COL9A1: variants seen among roughly 807,000 people sequenced by gnomAD.
COL9A1 encodes the protein collagen alpha-1(IX) chain.
In COL9A1, 104 loss-of-function variants were observed where a neutral mutation model predicts 142.6. That is an observed-to-expected ratio of 0.73 (90% CI 0.62 to 0.86). The LOEUF (loss-of-function observed/expected upper bound fraction) is 0.86, where lower values mean the gene tolerates loss of function less well. Ranked by LOEUF, COL9A1 falls within the 40% of genes least tolerant of loss-of-function variation. COL9A1 has a pLI of 0.00. For missense variants in COL9A1, 1,210 were observed against 1,176.6 expected, an observed-to-expected ratio of 1.03 and a Z score of -0.42; for synonymous variants, 466 against 396.0, an observed-to-expected ratio of 1.18 and a Z score of -2.10.
At chr6:70,290,967 G>C (rs1395870854) in intron 5 of COL9A1, among the ~76,000 whole-genome samples, 1 of 152,066 alleles carries the variant, frequency 6.6e-6, no homozygotes, top group Non-Finnish European at 1.5e-5. Flanking sequence ...AGAGAAGGGT[G>C]ATCTATCAGT....
At chr6:70,220,661 C>G (rs975734584) in intron 37 of COL9A1, among the ~76,000 whole-genome samples, 1 of 152,034 alleles carries the variant, frequency 6.6e-6, no homozygotes, top group Non-Finnish European at 1.5e-5. Context: ...TATGTGGGAG[C>G]CTCAGTTGGG....
intron 35 of COL9A1, among the ~76,000 whole-genome samples, chr6:70,234,244 G>T (rs1769743152): frequency 6.6e-6 from 1 of 150,510 alleles, no homozygotes; most frequent in Admixed American, 6.7e-5. Flanking sequence ...AAGTGTGTGT[G>T]TGTGTGTGTG....
At chr6:70,225,783 C>T (rs944271652) in intron 37 of COL9A1, 149 bp downstream of exon 37, 2 of 696,472 alleles carry the variant, frequency 2.9e-6, no homozygotes, top group African/African-American at 3.5e-5. Context: ...TTTACTAAAG[C>T]TGGTCTTGAA....
At chr6:70,274,367 C>T (rs1294829672) in intron 11 of COL9A1, among the ~76,000 whole-genome samples, 1 of 152,102 alleles carries the variant, frequency 6.6e-6, no homozygotes, top group Non-Finnish European at 1.5e-5. Context: ...CCTCCCACCC[C>T]CTATTTTCTG....
Position 70,239,233 on chromosome 6 carries a change from A to G in COL9A1, c.2112+21T>C, listed in dbSNP as rs769372116. On this transcript the variant is annotated intron_variant, in intron 33 of 37. Transcript: ENST00000357250. ...TTAATGTTTTTAATTTTTTTATACC[A>G]TTACTATTCACCATACTTACAGATC... is the stretch of plus-strand genomic sequence containing the variant. 12 of 1,474,488 alleles carry G rather than the reference A, an allele frequency of 8.1e-6. No homozygotes were observed. The East Asian group carries it at 1.6e-4, about 19-fold the overall frequency. 91.3% of individuals were successfully genotyped at this position (1,474,488 alleles called of 1,614,324 possible).
In COL9A1 at chr6:70,216,988, G is replaced by A. The variant is rs760617713; in HGVS notation, c.2675C>T (p.Pro892Leu). 1.7e-5 allele frequency: 28 copies of A among 1,613,974 alleles called. No homozygotes were observed. In the African/African-American group the frequency reaches 1.9e-4, roughly 11 times the overall value. ...GAAACCGGGAAGCCCAGGAGGTCCC[G>A]GGGGTCCAGGCACTCCAGGAATTCC... Reference protein sequence around the residue: ...VAGIPGVPGPPGPPGLPGFCE... With the variant: ...VAGIPGVPGPLGPPGLPGFCE... Residue 892 changes from proline (P) to leucine (L), a missense_variant, in exon 38 of 38, where the codon CCG becomes CTG. Transcript: ENST00000357250.
At chr6:70,271,932 G>T in intron 13 of COL9A1, 133 bp downstream of exon 13, 1 of 975,598 alleles carries the variant, frequency 1.0e-6, no homozygotes, top group Non-Finnish European at 1.6e-6. Flanking sequence ...ATCCTTAGTA[G>T]CCACCTAAGA....
chr6:70,242,675 A>G lies in COL9A1; in HGVS notation c.1913T>C (p.Leu638Pro). The change falls in exon 29 of 38, where the codon CTA becomes CCA. Residue 638 changes from leucine (L) to proline (P), a missense_variant. By Grantham distance (98) the Leu-to-Pro change is moderately conservative (BLOSUM62 -3). Coordinates refer to ENST00000357250, the MANE Select transcript of COL9A1 (RefSeq NM_001851.6). ...TTTTCTACTTACCAGTTTACCTGGT[A>G]GGCCTGGGGATCCCACTGGTCCTAA... ...GELGPVGSPGLPGKLGSLGSP... is the reference protein window; with the variant it reads ...GELGPVGSPGPPGKLGSLGSP... 7 of 1,614,156 alleles carry G rather than the reference A, an allele frequency of 4.3e-6. No individual in the cohort carries two copies. The highest frequency in any genetic ancestry group is 5.9e-6 in the Non-Finnish European group (7 of 1,179,960).
intron 35 of COL9A1, among the ~76,000 whole-genome samples, chr6:70,234,299 C>CAAAAAAAAAAAAAAAAAAAAAAAAAAA (rs1376237848): frequency 7.6e-6 from 1 of 132,018 alleles, no homozygotes. Flanking sequence ...AAAAACAAAA[C>CAAAAAAAAAAAAAAAAAAAAAAAAAAA]AAAACAAAAA....
intron 5 of COL9A1, among the ~76,000 whole-genome samples, chr6:70,288,336 G>A (rs575919427): frequency 6.6e-6 from 1 of 152,130 alleles, no homozygotes; most frequent in South Asian, 2.1e-4. Context: ...CTACCACCCT[G>A]GTCTAAACCA....
intron 37 of COL9A1, among the ~76,000 whole-genome samples, chr6:70,219,031 G>A (rs1252436869): frequency 6.6e-6 from 1 of 152,144 alleles, no homozygotes; most frequent in Non-Finnish European, 1.5e-5. Flanking sequence ...AGGTCCCTGA[G>A]AAAGCTTCTC....
Position 70,281,372 on chromosome 6 carries a change from C to A in COL9A1, c.876+18G>T. 1 of 1,612,044 alleles carries A rather than the reference C, an allele frequency of 6.2e-7. No homozygotes were observed. The highest frequency in any genetic ancestry group is 8.5e-7 in the Non-Finnish European group (1 of 1,178,886). On this transcript the variant is annotated intron_variant, in intron 8 of 37. Coordinates refer to ENST00000357250, the MANE Select transcript of COL9A1 (RefSeq NM_001851.6). The stretch of plus-strand genomic sequence containing the variant: ...GGCAGGACTGGGGAACAGAGGTGGC[C>A]TGGAGATAGAAACTTACGTCGATGC...
rs9455008 is a variant in COL9A1, at chr6:70,223,595, G to A, written c.2581+2337C>T. ...ACTTGACTGACTTGAGCATATGCACGGTGTCAACAAGAGAATGTGGGCCGA... is the reference window on the plus strand; with the variant it reads ...ACTTGACTGACTTGAGCATATGCACAGTGTCAACAAGAGAATGTGGGCCGA... On this transcript the variant is annotated intron_variant, in intron 37 of 37. Transcript: ENST00000357250. 6.2e-3 allele frequency among the ~76,000 whole-genome samples: 941 copies of A among 152,298 alleles called. 9 individuals carry two copies. Among genetic ancestry groups the A allele is most frequent in the African/African-American group, 0.021 (885 of 41,564 alleles).
intron 28 of COL9A1, 39 bp downstream of exon 28, chr6:70,252,081 G>A (rs1770978018): frequency 6.2e-7 from 1 of 1,601,414 alleles, no homozygotes. Context: ...GCAAAGTCCT[G>A]AGAAGGTGCT....
chr6:70,237,768 A>G (rs1326854214), intron 33 of COL9A1, among the ~76,000 whole-genome samples: 1 of 152,214 alleles, frequency 6.6e-6, no homozygotes, highest in East Asian at 1.9e-4. Context: ...GTTACTTGAA[A>G]CTTGAGACAT....
chr6:70,230,945 G>A (rs1016601834), intron 36 of COL9A1, among the ~76,000 whole-genome samples: 2 of 152,166 alleles, frequency 1.3e-5, no homozygotes, highest in South Asian at 2.1e-4. Context: ...CTGCCCCAAG[G>A]AGACTTCCTG....
intron 5 of COL9A1, among the ~76,000 whole-genome samples, chr6:70,285,266 T>C (rs9455020): frequency 0.15 from 22,222 of 152,208 alleles, 2,223 homozygotes; most frequent in East Asian, 0.46. Context: ...GAGTGCCACA[T>C]AGATCAAGAG....
At position 70,258,635 on chromosome 6, in the gene COL9A1, T is replaced by C. The variant is rs539761552; in HGVS notation, c.1450-1814A>G. 2.0e-5 allele frequency: 3 copies of C among 151,782 alleles called. No homozygotes were observed. The South Asian group carries it at 6.3e-4, about 32-fold the overall frequency. 9.4% of individuals were successfully genotyped at this position (151,782 alleles called of 1,614,324 possible). A position where few individuals can be genotyped will look rare whatever the true frequency, so the allele number is the denominator to read the frequency against. ...CAAGAGCAGAACCCAGCCTTTGCAT[T>C]ATAGACGTGGCTTTGATGCACTCTC... On this transcript the variant is annotated intron_variant, in intron 20 of 37. Coordinates refer to ENST00000357250, the MANE Select transcript of COL9A1 (RefSeq NM_001851.6).
Position 70,280,796 on chromosome 6 carries a change from G to GCA in COL9A1, c.975+14_975+15dup, listed in dbSNP as rs1228290727. The GCA allele has an allele frequency of 3.1e-6, 5 of 1,609,888 alleles. No homozygotes were observed. The South Asian group carries it at 5.5e-5, about 18-fold the overall frequency. Reference sequence around the variant, plus strand: ...ACACCCCAGGCTGGGCGCCCTCCCAGCACTCGCCTACTCACATCAGCGCCA... The same window carrying GCA: ...ACACCCCAGGCTGGGCGCCCTCCCAGCACACTCGCCTACTCACATCAGCGCCA... On this transcript the variant is annotated intron_variant, in intron 10 of 37. Transcript: ENST00000357250.
Sources: allele counts gnomAD v4.1 joint callset (sites outside exome capture counted in the v4.1 genomes callset), GRCh38; gene constraint gnomAD v4.1.1; transcripts MANE v1.5; gene names NCBI Gene and HGNC (gene_info 2026-07-23, HGNC 2026-07-21).